The following PTPN9 variants were observed in gnomAD, a reference collection of about 807,000 sequenced individuals.
The protein encoded by PTPN9 is protein tyrosine phosphatase non-receptor type 9, also known as tyrosine-protein phosphatase non-receptor type 9.
PTPN9 carries 26 observed loss-of-function variants against 69.8 expected under a neutral mutation model. The ratio of observed to expected loss-of-function variants is 0.37; its 90% CI spans 0.27 to 0.52. The LOEUF is 0.52. Among genes scored for constraint, PTPN9 ranks in the 20% least tolerant of loss-of-function variants. The pLI, the probability that PTPN9 is intolerant of heterozygous loss-of-function variation, is 0.91. For synonymous variants in PTPN9, 274 were observed against 272.5 expected (o/e 1.01, Z -0.05); for missense variants, 549 against 740.3 (o/e 0.74, Z 3.00).
intron 1 of PTPN9, among the ~76,000 whole-genome samples, chr15:75,528,016 C>G (rs1369567396): frequency 6.6e-6 from 1 of 152,154 alleles, no homozygotes; most frequent in African/African-American, 2.4e-5. Context: ...ATGGTTTTGG[C>G]TTTGGAATTT....
chr15:75,553,620 C>T (rs562831829), intron 1 of PTPN9, among the ~76,000 whole-genome samples: 2 of 152,236 alleles, frequency 1.3e-5, no homozygotes, highest in South Asian at 2.1e-4. Context: ...AACATATTCA[C>T]GTCCCTCAAT....
chr15:75,537,642 C>A (rs554051283), intron 1 of PTPN9, among the ~76,000 whole-genome samples: 2 of 148,756 alleles, frequency 1.3e-5, no homozygotes, highest in South Asian at 2.1e-4. Context: ...GTAGTCCCAG[C>A]TACTCGGGAG....
At chr15:75,507,259 C>T (rs2141311823) in intron 6 of PTPN9, among the ~76,000 whole-genome samples, 1 of 150,734 alleles carries the variant, frequency 6.6e-6, no homozygotes, top group East Asian at 2.0e-4. Flanking sequence ...GCCTGTCCAA[C>T]ATGGTGAAAC....
intron 10 of PTPN9, among the ~76,000 whole-genome samples, chr15:75,473,089 G>A (rs1349277107): frequency 2.0e-5 from 3 of 152,196 alleles, no homozygotes; most frequent in Non-Finnish European, 4.4e-5. Flanking sequence ...TTCCTTTAGT[G>A]GATAAGGCCA....
chr15:75,532,401 C>CAA (rs577778299), intron 1 of PTPN9, among the ~76,000 whole-genome samples: 5 of 133,324 alleles, frequency 3.8e-5, no homozygotes, highest in East Asian at 2.1e-4. Flanking sequence ...GACTCTGTCT[C>CAA]AAAAAAAAAA....
intron 10 of PTPN9, among the ~76,000 whole-genome samples, chr15:75,471,637 C>T (rs2074566192): frequency 6.6e-6 from 1 of 151,024 alleles, no homozygotes; most frequent in Non-Finnish European, 1.5e-5. Flanking sequence ...AGGCCTAGGC[C>T]AGGCGCAGTG....
At chr15:75,571,932 G>A (rs575088449) in intron 1 of PTPN9, among the ~76,000 whole-genome samples, 22 of 152,050 alleles carry the variant, frequency 1.4e-4, no homozygotes, top group African/African-American at 4.3e-4. Context: ...AAGTACTTTC[G>A]AAAACTACTC....
rs546267298 is a variant in PTPN9 at position 75,472,902 on chromosome 15, C to T, written c.1208+787G>A. Among the ~76,000 whole-genome samples the T allele has an allele frequency of 2.0e-5, 3 of 151,190 alleles. No individual in the cohort carries two copies. The East Asian group carries it at 5.9e-4, about 30-fold the overall frequency. ...GACGGAAGTTACAGTGAGCCAAGAT[C>T]GTGCCACACTGCACTCCAGCCTGGT... On this transcript the variant is annotated intron_variant, in intron 10 of 12. Transcript: ENST00000618819.
chr15:75,520,868 A>G (rs1033824630), intron 4 of PTPN9, among the ~76,000 whole-genome samples: 9 of 152,080 alleles, frequency 5.9e-5, no homozygotes, highest in African/African-American at 2.2e-4. Flanking sequence ...CAGTGGCACA[A>G]TCATGGCGCA....
chr15:75,530,502 T>G (rs1374795962), intron 1 of PTPN9, among the ~76,000 whole-genome samples: 2 of 85,158 alleles, frequency 2.3e-5, no homozygotes, highest in Non-Finnish European at 4.1e-5. Flanking sequence ...ATATATTATA[T>G]TATAATATAT....
intron 1 of PTPN9, among the ~76,000 whole-genome samples, chr15:75,563,915 A>C (rs1171875996): frequency 6.6e-6 from 1 of 152,186 alleles, no homozygotes; most frequent in Non-Finnish European, 1.5e-5. Flanking sequence ...TATGATCTAA[A>C]AAAAATCCTC....
chr15:75,528,102 G>T (rs958401895), intron 1 of PTPN9, among the ~76,000 whole-genome samples: 4 of 152,048 alleles, frequency 2.6e-5, no homozygotes, highest in African/African-American at 2.4e-5. Context: ...GACCCCACTG[G>T]ACCTCTTCAT....
chr15:75,486,741 C>T (rs1025390899), intron 8 of PTPN9, among the ~76,000 whole-genome samples: 16 of 150,490 alleles, frequency 1.1e-4, no homozygotes, highest in Non-Finnish European at 1.6e-4. Context: ...GTGTTTTCAC[C>T]ACAAAACAAG....
At chr15:75,560,043 G>A (rs553646595) in intron 1 of PTPN9, among the ~76,000 whole-genome samples, 10 of 151,886 alleles carry the variant, frequency 6.6e-5, no homozygotes, top group Middle Eastern at 3.4e-3. Context: ...AGGAGGCTGA[G>A]GCAGGAGAAT....
intron 7 of PTPN9, among the ~76,000 whole-genome samples, chr15:75,500,716 C>T (rs1313137486): frequency 6.6e-6 from 1 of 151,608 alleles, no homozygotes; most frequent in Non-Finnish European, 1.5e-5. Flanking sequence ...CATAGGGAGA[C>T]TCTACAAAAA....
intron 5 of PTPN9, among the ~76,000 whole-genome samples, chr15:75,511,392 C>T (rs898906259): frequency 6.6e-6 from 1 of 152,022 alleles, no homozygotes; most frequent in African/African-American, 2.4e-5. Flanking sequence ...GCATGTGCCA[C>T]CATGCCTGTC....
chr15:75,465,136 T>A lies in PTPN9; in HGVS notation c.*3633A>T, dbSNP rs2074531610. ...TATTTTTTTTGAGATGGAGTTTTAC[T>A]CTTGTTGCCCAGGCTAGAGTGCAAT... On this transcript the variant is annotated 3_prime_UTR_variant, in exon 13 of 13. Coordinates refer to ENST00000618819, the MANE Select transcript of PTPN9 (RefSeq NM_002833.4). The A allele has an allele frequency of 6.6e-6, 1 of 152,176 alleles. No homozygotes were observed. Among genetic ancestry groups the A allele is most frequent in the African/African-American group, 2.4e-5 (1 of 41,418 alleles). 9.4% of individuals were successfully genotyped at this position (152,176 alleles called of 1,614,324 possible). A position where few individuals can be genotyped will look rare whatever the true frequency, so the allele number is the denominator to read the frequency against.
chr15:75,539,071 A>G (rs918681707), intron 1 of PTPN9, among the ~76,000 whole-genome samples: 3 of 152,168 alleles, frequency 2.0e-5, no homozygotes, highest in Non-Finnish European at 4.4e-5. Flanking sequence ...GCATTGGAAG[A>G]TAACTATAAG....
In PTPN9 at chr15:75,468,913, C is replaced by T. The variant is rs371391546; in HGVS notation, c.1638G>A (p.Thr546=). Residue 546 remains threonine (T), a synonymous_variant, in exon 13 of 13, where the codon ACG becomes ACA. Coordinates refer to ENST00000618819, the MANE Select transcript of PTPN9 (RefSeq NM_002833.4). ...CCCTCTGGGTCCTCATGCGTGACAC[C>T]GTCTGGAACACATTAAGGGTGCCAA... is the stretch of plus-strand genomic sequence containing the variant. ...EELGTLNVFQ[T]VSRMRTQRAF... 2.9e-5 allele frequency: 47 copies of T among 1,614,074 alleles called. No homozygotes were observed. In the Middle Eastern group the frequency reaches 4.9e-4, roughly 17 times the overall value.
Sources: allele counts gnomAD v4.1 joint callset (sites outside exome capture counted in the v4.1 genomes callset), GRCh38; gene constraint gnomAD v4.1.1; transcripts MANE v1.5; gene names NCBI Gene and HGNC (gene_info 2026-07-23, HGNC 2026-07-21).